Variants in TAF5L observed in about 807,000 individuals in gnomAD.
TAF5L encodes TATA-box binding protein associated factor 5 like, also known as TAF5-like RNA polymerase II p300/CBP-associated factor-associated factor 65 kDa subunit 5L.
TAF5L carries 7 observed loss-of-function variants against 51.3 expected under a neutral mutation model. The observed-to-expected ratio is 0.14, with a 90% CI of 0.08 to 0.26. TAF5L has a LOEUF of 0.26. Among genes scored for constraint, TAF5L ranks in the 10% least tolerant of loss-of-function variants. The probability of loss-of-function intolerance (pLI) is 1.00; values close to 1 mark genes in which losing one functional copy is unlikely to be tolerated. For missense variants in TAF5L, 575 were observed against 758.9 expected (o/e 0.76, Z 2.85); for synonymous variants, 291 against 308.1 (o/e 0.94, Z 0.58).
At chr1:229,618,750 C>A (rs987530086) in intron 1 of TAF5L, among the ~76,000 whole-genome samples, 3 of 152,232 alleles carry the variant, frequency 2.0e-5, no homozygotes, top group Middle Eastern at 3.4e-3. Flanking sequence ...TCCTATCCCT[C>A]CACCCCCACC....
intron 2 of TAF5L, among the ~76,000 whole-genome samples, chr1:229,612,480 C>T (rs1181862639): frequency 6.6e-6 from 1 of 152,150 alleles, no homozygotes. Flanking sequence ...AATGGACTCC[C>T]CTATTCAAAC....
At chr1:229,599,933 T>C in intron 4 of TAF5L, 1 of 985,512 alleles carries the variant, frequency 1.0e-6, no homozygotes, top group Non-Finnish European at 1.2e-6. Context: ...ACTTACATAG[T>C]GATTTTGTAC....
At chr1:229,618,216 T>C (rs1665076674) in intron 1 of TAF5L, among the ~76,000 whole-genome samples, 1 of 152,264 alleles carries the variant, frequency 6.6e-6, no homozygotes, top group South Asian at 2.1e-4. Flanking sequence ...GTTACCTGCC[T>C]AGCTTTTCCT....
rs554716132 is a variant in TAF5L, at chr1:229,594,261, A to C, written c.*36T>G. The C allele has an allele frequency of 1.3e-6, 2 of 1,565,764 alleles. No individual in the cohort carries two copies. Among genetic ancestry groups the C allele is most frequent in the Non-Finnish European group, 1.7e-6 (2 of 1,152,992 alleles). ...GAAGGATTGCAACTGGAGGCTTTCC[A>C]CTGTTACCCCAGTCCGTTCCAACAA... On this transcript the variant is annotated 3_prime_UTR_variant, in exon 5 of 5. Coordinates refer to ENST00000258281, the Ensembl canonical transcript of TAF5L. The surrounding 1 kb of genome is among the most constrained non-coding windows in gnomAD (Gnocchi z 7.9).
chr1:229,623,060 C>T (rs529103565), intron 1 of TAF5L, among the ~76,000 whole-genome samples: 1 of 152,106 alleles, frequency 6.6e-6, no homozygotes, highest in South Asian at 2.1e-4. Flanking sequence ...GTGGATCACC[C>T]GAGGTCAGGA....
chr1:229,597,291 A>G (rs1457901941), intron 4 of TAF5L, among the ~76,000 whole-genome samples: 1 of 152,198 alleles, frequency 6.6e-6, no homozygotes, highest in African/African-American at 2.4e-5. Context: ...AGTGGCCTTC[A>G]CCTCCTCAGT....
At chr1:229,606,536 C>G in intron 3 of TAF5L, 1 of 985,342 alleles carries the variant, frequency 1.0e-6, no homozygotes, top group South Asian at 4.7e-5. Context: ...GGTCCTCATT[C>G]TCCTCTACCT....
chr1:229,608,996 C>T (rs1664698168), intron 3 of TAF5L, among the ~76,000 whole-genome samples: 1 of 151,962 alleles, frequency 6.6e-6, no homozygotes, highest in Non-Finnish European at 1.5e-5. Context: ...AGAACAATAC[C>T]GTCTCAAAAA....
chr1:229,613,666 C>T (rs1664871069), intron 2 of TAF5L, among the ~76,000 whole-genome samples: 1 of 152,066 alleles, frequency 6.6e-6, no homozygotes, highest in South Asian at 2.1e-4. Context: ...ACCTGCTATG[C>T]CAAATATTAT....
chr1:229,611,827 T>C (rs1053027313), intron 2 of TAF5L, among the ~76,000 whole-genome samples: 8 of 152,334 alleles, frequency 5.3e-5, no homozygotes, highest in African/African-American at 1.7e-4. Flanking sequence ...CTCCAATTTG[T>C]TCCCTGGTAA....
chr1:229,593,452 G>T (rs1663993017), exon 5 of TAF5L: 1 of 152,054 alleles, frequency 6.6e-6, no homozygotes, highest in Admixed American at 6.6e-5. Flanking sequence ...TGAGGGGAGA[G>T]AATTATTAAG....
Position 229,594,748 on chromosome 1 carries a change from T to C in TAF5L, c.1319A>G (p.Tyr440Cys), listed in dbSNP as rs1315018394. 2 of 1,613,924 alleles carry C rather than the reference T, an allele frequency of 1.2e-6. No homozygotes were observed. Among genetic ancestry groups the C allele is most frequent in the Non-Finnish European group, 1.7e-6 (2 of 1,180,020 alleles). The change falls in exon 5 of 5, where the codon TAC becomes TGC. Residue 440 changes from tyrosine to cysteine, a missense_variant. Around this residue, in one of 3 missense-constraint regions of TAF5L, gnomAD observed 104 missense variants for 218.3 expected, o/e 0.48. Transcript: ENST00000258281. The surrounding 1 kb of genome is among the most constrained non-coding windows in gnomAD (Gnocchi z 7.9). Reference sequence around the variant, plus strand: ...CTTGTCGGTTGAGCCCGTGGCCAAGTAGTTTGAATTAGGGTGGAATTTGAC... The same window carrying C: ...CTTGTCGGTTGAGCCCGTGGCCAAGCAGTTTGAATTAGGGTGGAATTTGAC...
At chr1:229,599,850 AT>A in intron 4 of TAF5L, 1 of 985,450 alleles carries the variant, frequency 1.0e-6, no homozygotes. Flanking sequence ...GAAATACTGT[AT>A]TCACTGATTT....
rs2184247 is a variant in TAF5L at position 229,605,375 on chromosome 1, C to T, written c.248-2456G>A. The stretch of plus-strand genomic sequence containing the variant: ...CATCCAAGGACTTTGCATTCTCCTC[C>T]GGGGAAAAGGTTAGTGTGTTTTTTG... On this transcript the variant is annotated intron_variant, in intron 3 of 4. Coordinates refer to ENST00000258281, the Ensembl canonical transcript of TAF5L. Among the ~76,000 whole-genome samples the T allele has an allele frequency of 3.5e-3, 531 of 152,156 alleles. 5 individuals carry two copies. Among genetic ancestry groups the T allele is most frequent in the African/African-American group, 0.012 (484 of 41,504 alleles).
At chr1:229,612,005 C>A (rs1246504817) in intron 2 of TAF5L, among the ~76,000 whole-genome samples, 1 of 152,204 alleles carries the variant, frequency 6.6e-6, no homozygotes, top group African/African-American at 2.4e-5. Flanking sequence ...GAACTTACTA[C>A]CTCATGCTCT....
intron 2 of TAF5L, 75 bp from the exon 3 acceptor site, chr1:229,610,285 G>C (rs1664741173): frequency 3.7e-6 from 5 of 1,358,952 alleles, no homozygotes; most frequent in Non-Finnish European, 5.2e-6. Context: ...GGCAGGATGG[G>C]TGAAGGAGGG....
chr1:229,611,519 CAGG>C (rs1664785444), intron 2 of TAF5L, among the ~76,000 whole-genome samples: 1 of 152,280 alleles, frequency 6.6e-6, no homozygotes, highest in South Asian at 2.1e-4. Context: ...CAACCTACTC[CAGG>C]AGAAGGAAGA....
intron 3 of TAF5L, chr1:229,607,058 C>T: frequency 1.0e-6 from 1 of 985,394 alleles, no homozygotes; most frequent in Non-Finnish European, 1.2e-6. Context: ...TCAAATTTCC[C>T]ACTGCAAGCT....
Position 229,602,483 on chromosome 1 carries a change from C to A in TAF5L, c.684G>T (p.Met228Ile). 1 of 1,614,142 alleles carries A rather than the reference C, an allele frequency of 6.2e-7. No homozygotes were observed. The highest frequency in any genetic ancestry group is 8.5e-7 in the Non-Finnish European group (1 of 1,180,008). The change falls in exon 4 of 5, where the codon ATG becomes ATT. Residue 228 changes from methionine to isoleucine, a missense_variant. Met to Ile is a conservative substitution (Grantham distance 10). This residue lies in a region of TAF5L where 380 missense variants were observed against 443.7 expected (regional missense o/e 0.86). Coordinates refer to ENST00000258281, the Ensembl canonical transcript of TAF5L. This position sits in a 1 kb window ranked among gnomAD's most constrained non-coding sequence, Gnocchi z 4.6. ...CCTCGTTCTGCAGAATAGGGCTGGG[C>A]ATGTCGGGGGGCTCCAAACCGTTGT... is the stretch of plus-strand genomic sequence containing the variant.
Sources: gnomAD v4.1 joint callset for allele counts (sites outside exome capture counted in the v4.1 genomes callset) on GRCh38, gnomAD v4.1.1 for gene constraint, gnomAD v4.1.1 regional missense constraint, Gnocchi (gnomAD v3.1) non-coding constraint, MANE v1.5 for transcripts, NCBI Gene and HGNC (gene_info 2026-07-23, HGNC 2026-07-21) for gene names.